Variants in ADAM22 observed in about 807,000 individuals in gnomAD.
The protein encoded by ADAM22 is ADAM metallopeptidase domain 22, also known as disintegrin and metalloproteinase domain-containing protein 22.
Under a neutral mutation model 144.6 loss-of-function variants are expected in ADAM22, and 65 were observed. The observed-to-expected ratio is 0.45, with a 90% CI of 0.37 to 0.55. The LOEUF (loss-of-function observed/expected upper bound fraction) is 0.55. Ranked by LOEUF, ADAM22 falls within the 20% of genes least tolerant of loss-of-function variation. ADAM22 has a pLI of 0.00. For missense variants in ADAM22, 974 were observed against 1,184.9 expected, an observed-to-expected ratio of 0.82 and a Z score of 2.61; for synonymous variants, 391 against 412.6, an observed-to-expected ratio of 0.95 and a Z score of 0.63.
intron 22 of ADAM22, among the ~76,000 whole-genome samples, chr7:88,158,636 G>A (rs1412793500): frequency 6.6e-6 from 1 of 151,930 alleles, no homozygotes; most frequent in Non-Finnish European, 1.5e-5. Flanking sequence ...TGGAAATTAA[G>A]CAACCTGGTC....
chr7:87,982,744 G>A (rs1420484102), intron 3 of ADAM22, among the ~76,000 whole-genome samples: 1 of 127,668 alleles, frequency 7.8e-6, no homozygotes, highest in Non-Finnish European at 1.6e-5. Context: ...GCCCAGGCTG[G>A]AGTGCAATGG....
intron 4 of ADAM22, among the ~76,000 whole-genome samples, chr7:88,101,026 G>A (rs577405748): frequency 6.6e-6 from 1 of 150,974 alleles, no homozygotes; most frequent in African/African-American, 2.4e-5. Flanking sequence ...TAGGGTTCAA[G>A]GACAGGCCGT....
At chr7:88,051,436 C>A (rs912852457) in intron 3 of ADAM22, among the ~76,000 whole-genome samples, 3 of 151,788 alleles carry the variant, frequency 2.0e-5, no homozygotes, top group African/African-American at 7.3e-5. Context: ...TCATTCTGAG[C>A]AAACTATCAC....
At chr7:88,143,733 C>T (rs756296310) in intron 15 of ADAM22, among the ~76,000 whole-genome samples, 1 of 152,202 alleles carries the variant, frequency 6.6e-6, no homozygotes, top group Non-Finnish European at 1.5e-5. Context: ...TTTGTCCTTG[C>T]GAATTATGTG....
At chr7:87,952,370 A>G (rs1845459865) in intron 2 of ADAM22, among the ~76,000 whole-genome samples, 1 of 152,108 alleles carries the variant, frequency 6.6e-6, no homozygotes, top group East Asian at 1.9e-4. Flanking sequence ...GAATTTTGTC[A>G]AAGGCCTTTT....
chr7:88,006,752 C>G (rs1027110903), intron 3 of ADAM22, among the ~76,000 whole-genome samples: 4 of 149,856 alleles, frequency 2.7e-5, no homozygotes, highest in African/African-American at 9.8e-5. Flanking sequence ...GGACGTATCT[C>G]AAAATAATAA....
At chr7:87,935,210 G>A (rs367810796) in intron 2 of ADAM22, 24 bp downstream of exon 2, 1 of 1,554,126 alleles carries the variant, frequency 6.4e-7, no homozygotes, top group Non-Finnish European at 8.7e-7. Context: ...TCCGGGAGGT[G>A]GTCCTCCGCG....
chr7:88,107,758 A>ATT (rs780127224), intron 4 of ADAM22, among the ~76,000 whole-genome samples: 19 of 142,854 alleles, frequency 1.3e-4, no homozygotes, highest in African/African-American at 3.1e-4. Flanking sequence ...GCTAATTTCA[A>ATT]TTTTTTTTTT....
intron 3 of ADAM22, among the ~76,000 whole-genome samples, chr7:88,049,345 C>G (rs1431126924): frequency 2.6e-5 from 4 of 151,956 alleles, no homozygotes; most frequent in African/African-American, 7.2e-5. Context: ...AGAACTTTAC[C>G]CTGTACACTG....
intron 30 of ADAM22, among the ~76,000 whole-genome samples, chr7:88,192,094 C>T (rs936120954): frequency 3.9e-5 from 6 of 152,184 alleles, no homozygotes; most frequent in Non-Finnish European, 7.3e-5. Flanking sequence ...TACCCCCGCC[C>T]CTCCCACTAA....
At chr7:88,075,749 G>C in intron 4 of ADAM22, 57 bp downstream of exon 4, 1 of 1,177,970 alleles carries the variant, frequency 8.5e-7, no homozygotes, top group Non-Finnish European at 1.3e-6. Flanking sequence ...TAATACTACT[G>C]ATTATTATTT....
chr7:88,172,528 G>A (rs922805445), intron 26 of ADAM22, among the ~76,000 whole-genome samples: 2 of 151,858 alleles, frequency 1.3e-5, no homozygotes, highest in Non-Finnish European at 2.9e-5. Context: ...GTGGTAATTT[G>A]TCATGCTCCA....
intron 3 of ADAM22, among the ~76,000 whole-genome samples, chr7:88,047,362 G>A (rs1804948199): frequency 6.6e-6 from 1 of 152,104 alleles, no homozygotes; most frequent in Non-Finnish European, 1.5e-5. Flanking sequence ...CTATCTTCCA[G>A]CAATTAAGTC....
chr7:88,158,570 G>A (rs2129528450), intron 22 of ADAM22, among the ~76,000 whole-genome samples: 1 of 152,088 alleles, frequency 6.6e-6, no homozygotes, highest in African/African-American at 2.4e-5. Flanking sequence ...TTGGACCACA[G>A]CACAATACAA....
intron 3 of ADAM22, among the ~76,000 whole-genome samples, chr7:88,049,868 A>G (rs964124295): frequency 2.0e-5 from 3 of 152,028 alleles, no homozygotes; most frequent in African/African-American, 7.2e-5. Flanking sequence ...GAAATATATT[A>G]TTTTATATAA....
Position 88,186,604 on chromosome 7 carries a change from G to A in ADAM22, c.2664-11G>A, listed in dbSNP as rs1182628613. 1.3e-6 allele frequency: 2 copies of A among 1,568,734 alleles called. No homozygotes were observed. Among genetic ancestry groups the A allele is most frequent in the Admixed American group, 3.3e-5 (2 of 59,800 alleles). ...TTCTGCTTTCTTTGTTCCTTCCATTGCTTTCTGCAGGTATTTAAACCCATG... is the reference window on the plus strand; with the variant it reads ...TTCTGCTTTCTTTGTTCCTTCCATTACTTTCTGCAGGTATTTAAACCCATG... On this transcript the variant is annotated splice_polypyrimidine_tract_variant and intron_variant, in intron 29 of 31. Coordinates refer to ENST00000413139, the MANE Select transcript of ADAM22 (RefSeq NM_001324418.2).
intron 4 of ADAM22, among the ~76,000 whole-genome samples, chr7:88,102,438 A>AACC (rs1396060529): frequency 2.0e-5 from 3 of 152,120 alleles, no homozygotes; most frequent in Non-Finnish European, 4.4e-5. Flanking sequence ...CAAGCACTGA[A>AACC]TTTGTATTCA....
chr7:88,195,774 C>T (rs1036013191), intron 31 of ADAM22, among the ~76,000 whole-genome samples: 2 of 152,138 alleles, frequency 1.3e-5, no homozygotes, highest in African/African-American at 4.8e-5. Context: ...ATCTCGGCCT[C>T]CCAAAGTGCT....
intron 4 of ADAM22, among the ~76,000 whole-genome samples, chr7:88,086,560 A>G (rs1027199952): frequency 3.3e-5 from 5 of 152,254 alleles, no homozygotes; most frequent in Non-Finnish European, 7.3e-5. Flanking sequence ...TTAATCTTTC[A>G]CTTACGTTTA....
Sources: gnomAD v4.1 joint callset for allele counts (sites outside exome capture counted in the v4.1 genomes callset) on GRCh38, gnomAD v4.1.1 for gene constraint, MANE v1.5 for transcripts, NCBI Gene and HGNC (gene_info 2026-07-23, HGNC 2026-07-21) for gene names.